FYN: variants seen among roughly 807,000 people sequenced by gnomAD.
FYN encodes tyrosine-protein kinase Fyn.
In FYN, 10 loss-of-function variants were observed where a neutral mutation model predicts 70.2. The observed-to-expected ratio is 0.14, with a 90% CI of 0.09 to 0.24. FYN has a LOEUF of 0.24. Ranked by LOEUF, FYN falls within the 10% of genes least tolerant of loss-of-function variation. FYN has a pLI of 1.00. For missense variants in FYN, 319 were observed against 673.1 expected (o/e 0.47, Z 5.82); for synonymous variants, 236 against 248.6 (o/e 0.95, Z 0.48).
At chr6:111,860,294 C>CT (rs1773928867) in intron 1 of FYN, among the ~76,000 whole-genome samples, 2 of 152,218 alleles carry the variant, frequency 1.3e-5, no homozygotes, top group South Asian at 2.1e-4. Context: ...TCGCTCCTGC[C>CT]TAACCAACAC....
intron 4 of FYN, among the ~76,000 whole-genome samples, chr6:111,716,485 T>A (rs755570270): frequency 1.1e-4 from 16 of 152,204 alleles, no homozygotes; most frequent in Non-Finnish European, 2.2e-4. Context: ...ACCCTCTGTG[T>A]ACCTAGTACA....
intron 1 of FYN, among the ~76,000 whole-genome samples, chr6:111,868,466 T>G (rs2114540065): frequency 6.6e-6 from 1 of 152,300 alleles, no homozygotes; most frequent in South Asian, 2.1e-4. Context: ...GCTTTACCAT[T>G]GTTTAATTTA....
chr6:111,858,579 T>G (rs1773882237), intron 1 of FYN, among the ~76,000 whole-genome samples: 1 of 152,122 alleles, frequency 6.6e-6, no homozygotes, highest in South Asian at 2.1e-4. Flanking sequence ...AATGAAGGCT[T>G]GGGCTAACTC....
chr6:111,809,616 T>C (rs908002332), intron 2 of FYN, among the ~76,000 whole-genome samples: 1 of 152,216 alleles, frequency 6.6e-6, no homozygotes, highest in African/African-American at 2.4e-5. Flanking sequence ...CTCAGCCAGA[T>C]GTTGCCATGT....
chr6:111,768,976 T>C (rs1056547418), intron 3 of FYN, among the ~76,000 whole-genome samples: 3 of 152,220 alleles, frequency 2.0e-5, no homozygotes, highest in Non-Finnish European at 2.9e-5. Flanking sequence ...AAGTGTGTAT[T>C]ACTCTAGGGA....
chr6:111,795,046 T>C (rs976597447), intron 2 of FYN, among the ~76,000 whole-genome samples: 4 of 152,188 alleles, frequency 2.6e-5, no homozygotes. Flanking sequence ...GGTCACAAAA[T>C]TTAACTTGGT....
intron 3 of FYN, among the ~76,000 whole-genome samples, chr6:111,728,170 G>T (rs1333031060): frequency 6.6e-6 from 1 of 152,196 alleles, no homozygotes; most frequent in African/African-American, 2.4e-5. Context: ...GTTAAGACAA[G>T]AGTGAAATGG....
At chr6:111,743,677 CA>C (rs1190534718) in intron 3 of FYN, among the ~76,000 whole-genome samples, 2 of 151,882 alleles carry the variant, frequency 1.3e-5, no homozygotes, top group African/African-American at 4.8e-5. Flanking sequence ...AGAGTAAATG[CA>C]AAAAAGGACA....
chr6:111,860,140 G>T (rs1210418243), intron 1 of FYN, among the ~76,000 whole-genome samples: 1 of 152,080 alleles, frequency 6.6e-6, no homozygotes, highest in Non-Finnish European at 1.5e-5. Context: ...GGGCCTCCAG[G>T]ACTATGACAG....
chr6:111,828,942 T>G (rs558722858), intron 2 of FYN, among the ~76,000 whole-genome samples: 1 of 152,330 alleles, frequency 6.6e-6, no homozygotes, highest in African/African-American at 2.4e-5. Context: ...AAACAGTCTT[T>G]GCAGTAGGAC....
intron 2 of FYN, among the ~76,000 whole-genome samples, chr6:111,819,616 T>C (rs560022848): frequency 6.6e-6 from 1 of 152,246 alleles, no homozygotes; most frequent in African/African-American, 2.4e-5. Flanking sequence ...AGATTTTTAA[T>C]TAGTTTTACA....
intron 12 of FYN, among the ~76,000 whole-genome samples, chr6:111,679,396 T>C (rs1384950962): frequency 6.6e-6 from 1 of 152,170 alleles, no homozygotes. Flanking sequence ...AATGCATGAA[T>C]TGTCTGAAGG....
intron 2 of FYN, among the ~76,000 whole-genome samples, chr6:111,799,848 G>A (rs112252171): frequency 6.6e-6 from 1 of 152,078 alleles, no homozygotes; most frequent in Non-Finnish European, 1.5e-5. Context: ...TGGGAGTCCC[G>A]CACACGCCAG....
At chr6:111,732,385 C>T (rs1801504746) in intron 3 of FYN, among the ~76,000 whole-genome samples, 1 of 152,210 alleles carries the variant, frequency 6.6e-6, no homozygotes, top group Non-Finnish European at 1.5e-5. Context: ...TAGGTGCTTG[C>T]AGGATTCTGG....
chr6:111,794,436 T>C (rs1771737234), intron 2 of FYN, among the ~76,000 whole-genome samples: 1 of 152,252 alleles, frequency 6.6e-6, no homozygotes, highest in Non-Finnish European at 1.5e-5. Context: ...AAAATGTACA[T>C]GGACAGAGGA....
intron 3 of FYN, among the ~76,000 whole-genome samples, chr6:111,733,622 C>A (rs1409161664): frequency 6.6e-6 from 1 of 152,196 alleles, no homozygotes; most frequent in African/African-American, 2.4e-5. Context: ...AGTGCATTAG[C>A]CCAGAACCAG....
intron 7 of FYN, 72 bp downstream of exon 7, chr6:111,703,927 T>TA (rs1261713003): frequency 1.7e-6 from 2 of 1,160,528 alleles, no homozygotes; most frequent in Non-Finnish European, 2.6e-6. Flanking sequence ...ACATTAGAGA[T>TA]AAGCCTTTCA....
intron 3 of FYN, among the ~76,000 whole-genome samples, chr6:111,734,199 A>G (rs1334330304): frequency 3.3e-5 from 5 of 152,154 alleles, no homozygotes; most frequent in African/African-American, 7.2e-5. Flanking sequence ...GCACACATTG[A>G]GCAGAACCAC....
intron 1 of FYN, among the ~76,000 whole-genome samples, chr6:111,868,747 T>C (rs1008886089): frequency 2.0e-5 from 3 of 152,230 alleles, no homozygotes; most frequent in African/African-American, 7.2e-5. Flanking sequence ...ACTTAGTAGC[T>C]GTATGATCTT....
Sources: allele counts gnomAD v4.1 joint callset (sites outside exome capture counted in the v4.1 genomes callset), GRCh38; gene constraint gnomAD v4.1.1; transcripts MANE v1.5; gene names NCBI Gene and HGNC (gene_info 2026-07-23, HGNC 2026-07-21).